The following RAB3GAP1 variants were observed in gnomAD, a reference collection of about 807,000 sequenced individuals.
RAB3GAP1 encodes the protein rab3 GTPase-activating protein catalytic subunit.
In RAB3GAP1, 86 loss-of-function variants were observed where a neutral mutation model predicts 130.7. That is an observed-to-expected ratio of 0.66 (90% CI 0.55 to 0.79). RAB3GAP1 has a LOEUF of 0.79. Ranked by LOEUF, RAB3GAP1 falls within the 30% of genes least tolerant of loss-of-function variation. The pLI is 0.00. For synonymous variants in RAB3GAP1, 367 were observed against 401.7 expected (o/e 0.91, Z 1.03); for missense variants, 1,029 against 1,169.4 (o/e 0.88, Z 1.75).
chr2:135,143,556 CTTTT>C (rs770650929), intron 17 of RAB3GAP1, among the ~76,000 whole-genome samples: 1 of 135,084 alleles, frequency 7.4e-6, no homozygotes, highest in Non-Finnish European at 1.6e-5. Flanking sequence ...TAACATGCTA[CTTTT>C]TTTTTTTTTT....
At position 135,149,567 on chromosome 2, in the gene RAB3GAP1, G is replaced by A. The variant is rs760339906; in HGVS notation, c.1924-802G>A. ...AATCTCAGTGTGAGATTCTTGCTTG[G>A]TACTTGCAGGATAATTAAAAGTGAT... On this transcript the variant is annotated intron_variant, in intron 17 of 23. Coordinates refer to ENST00000264158, the MANE Select transcript of RAB3GAP1 (RefSeq NM_012233.3). Among the ~76,000 whole-genome samples the A allele has an allele frequency of 4.6e-5, 7 of 152,246 alleles. No individual in the cohort carries two copies. The South Asian group carries it at 1.5e-3, about 32-fold the overall frequency.
chr2:135,066,757 C>G (rs1366953628), intron 3 of RAB3GAP1, among the ~76,000 whole-genome samples: 2 of 152,080 alleles, frequency 1.3e-5, no homozygotes, highest in African/African-American at 4.8e-5. Context: ...AAGAAATGAC[C>G]TTTTAAGTTC....
intron 3 of RAB3GAP1, among the ~76,000 whole-genome samples, chr2:135,082,864 C>A (rs1689866982): frequency 6.6e-6 from 1 of 152,016 alleles, no homozygotes; most frequent in South Asian, 2.1e-4. Flanking sequence ...TCCAAGACAC[C>A]ATTCCCCTAT....
intron 3 of RAB3GAP1, among the ~76,000 whole-genome samples, chr2:135,086,553 TA>T (rs999609081): frequency 2.6e-5 from 4 of 152,114 alleles, no homozygotes; most frequent in African/African-American, 9.7e-5. Context: ...TTTTGCTCAT[TA>T]AAAAATTTGG....
chr2:135,112,971 A>G (rs149148571), intron 5 of RAB3GAP1, among the ~76,000 whole-genome samples, 180 bp from the exon 6 acceptor site: 304 of 152,294 alleles, frequency 2.0e-3, no homozygotes, highest in Admixed American at 3.0e-3. Flanking sequence ...TAGTAGGTGG[A>G]TGATGGAAGT....
chr2:135,117,498 T>TCTTCTG (rs1691019666), intron 7 of RAB3GAP1, among the ~76,000 whole-genome samples: 5 of 72,816 alleles, frequency 6.9e-5, no homozygotes, highest in African/African-American at 1.9e-4. Flanking sequence ...TTCTTCTGCT[T>TCTTCTG]CTTCTTCTTC....
At chr2:135,171,096 A>AT (rs1360202516), downstream of RAB3GAP1, among the ~76,000 whole-genome samples, 1 of 152,010 alleles carries the variant, frequency 6.6e-6, no homozygotes, top group African/African-American at 2.4e-5. Context: ...CAGAAAGCGT[A>AT]TTACAAGCAG....
chr2:135,166,177 A>C (rs1282155608), intron 23 of RAB3GAP1, among the ~76,000 whole-genome samples: 3 of 152,112 alleles, frequency 2.0e-5, no homozygotes, highest in Non-Finnish European at 2.9e-5. Flanking sequence ...AAAAAAAAAA[A>C]AAAAGTTATG....
chr2:135,086,518 T>A (rs949435585), intron 3 of RAB3GAP1, among the ~76,000 whole-genome samples: 1 of 152,154 alleles, frequency 6.6e-6, no homozygotes, highest in Non-Finnish European at 1.5e-5. Context: ...TATTGGTCAT[T>A]CATAGCGCTT....
At position 135,132,378 on chromosome 2, in the gene RAB3GAP1, G is replaced by A. The variant is rs141280411; in HGVS notation, c.1237-517G>A. On this transcript the variant is annotated intron_variant, in intron 13 of 23. Coordinates refer to ENST00000264158, the MANE Select transcript of RAB3GAP1 (RefSeq NM_012233.3). ...AGAAACCACATGGAAAAGGTACATT[G>A]GTTATTATAGGTTTAGACTGCTTCC... is the stretch of plus-strand genomic sequence containing the variant. Among the ~76,000 whole-genome samples, 454 of 152,198 alleles carry A rather than the reference G, an allele frequency of 3.0e-3. 3 individuals carry two copies. The highest frequency in any genetic ancestry group is 0.01 in the African/African-American group (423 of 41,528).
At chr2:135,111,448 T>C (rs558639958) in intron 5 of RAB3GAP1, among the ~76,000 whole-genome samples, 1 of 152,226 alleles carries the variant, frequency 6.6e-6, no homozygotes, top group African/African-American at 2.4e-5. Context: ...TTTTAATTAA[T>C]GTAGATGTCA....
intron 19 of RAB3GAP1, among the ~76,000 whole-genome samples, chr2:135,158,752 G>A (rs1330705738): frequency 6.6e-6 from 1 of 152,166 alleles, no homozygotes; most frequent in African/African-American, 2.4e-5. Flanking sequence ...GCATTGCAAG[G>A]AAAGTGGAGA....
intron 17 of RAB3GAP1, among the ~76,000 whole-genome samples, chr2:135,136,239 T>A (rs1691677447): frequency 6.6e-6 from 1 of 152,038 alleles, no homozygotes; most frequent in Non-Finnish European, 1.5e-5. Context: ...GGCAGGAGAA[T>A]CATTTGAACC....
At chr2:135,055,899 C>T (rs950483311) in intron 2 of RAB3GAP1, among the ~76,000 whole-genome samples, 19 of 151,860 alleles carry the variant, frequency 1.3e-4, no homozygotes, top group Non-Finnish European at 2.1e-4. Context: ...TGCAGTGGCG[C>T]GATCTCGGCT....
intron 12 of RAB3GAP1, 56 bp from the exon 13 acceptor site, chr2:135,130,495 AC>A: frequency 3.6e-6 from 5 of 1,400,170 alleles, no homozygotes; most frequent in Non-Finnish European, 5.0e-6. Context: ...TTTGTTCATC[AC>A]TTTCACCTGC....
chr2:135,162,485 A>C, intron 19 of RAB3GAP1, 70 bp from the exon 20 acceptor site: 1 of 1,191,150 alleles, frequency 8.4e-7, no homozygotes, highest in Non-Finnish European at 1.2e-6. Context: ...GAGGATTTGC[A>C]CTTCTGTAAG....
chr2:135,168,867 T>G lies in RAB3GAP1; in HGVS notation c.*86T>G. ...AAGGTACCAGGGAGAACCTGGGAGGTCCTGGAGAGGGCCCTGTCCAGTTGG... is the reference window on the plus strand; with the variant it reads ...AAGGTACCAGGGAGAACCTGGGAGGGCCTGGAGAGGGCCCTGTCCAGTTGG... On this transcript the variant is annotated 3_prime_UTR_variant, in exon 24 of 24. Transcript: ENST00000264158. The G allele has an allele frequency of 8.4e-7, 1 of 1,184,756 alleles. No homozygotes were observed. Among genetic ancestry groups the G allele is most frequent in the Non-Finnish European group, 1.3e-6 (1 of 794,080 alleles). 73.4% of individuals were successfully genotyped at this position (1,184,756 alleles called of 1,614,324 possible).
At chr2:135,112,236 A>G (rs1469247691) in intron 5 of RAB3GAP1, among the ~76,000 whole-genome samples, 2 of 152,214 alleles carry the variant, frequency 1.3e-5, no homozygotes, top group African/African-American at 4.8e-5. Flanking sequence ...ACTGCCTTCC[A>G]CAAGGGTTTC....
chr2:135,130,567 CTCA>C lies in RAB3GAP1; in HGVS notation c.1084_1086del (p.His362del). 1 of 1,613,186 alleles carries C rather than the reference CTCA, an allele frequency of 6.2e-7. No individual in the cohort carries two copies. The highest frequency in any genetic ancestry group is 8.5e-7 in the Non-Finnish European group (1 of 1,179,366). On this transcript the variant is annotated inframe_deletion, in exon 13 of 24. Transcript: ENST00000264158. ...CTTTTTATAGAAACTGCTGATATAACTCATGCTTTGTCAAAATTGACAGAGCCG... is the reference window on the plus strand; with the variant it reads ...CTTTTTATAGAAACTGCTGATATAACTGCTTTGTCAAAATTGACAGAGCCG...
Sources: gnomAD v4.1 joint callset for allele counts (sites outside exome capture counted in the v4.1 genomes callset) on GRCh38, gnomAD v4.1.1 for gene constraint, MANE v1.5 for transcripts, NCBI Gene and HGNC (gene_info 2026-07-23, HGNC 2026-07-21) for gene names.